GPLD1: variants seen among roughly 807,000 people sequenced by gnomAD.
GPLD1 encodes phosphatidylinositol-glycan-specific phospholipase D.
A neutral mutation model predicts 112.6 loss-of-function variants in GPLD1; 84 were observed. The observed-to-expected ratio is 0.75, with a 90% CI of 0.63 to 0.89. GPLD1 has a LOEUF of 0.89. GPLD1 is among the 40% of genes least tolerant of loss of function. The pLI is 0.00. For synonymous variants in GPLD1, 386 were observed against 403.8 expected (o/e 0.96, Z 0.53); for missense variants, 1,044 against 1,051.5 (o/e 0.99, Z 0.10).
intron 3 of GPLD1, among the ~76,000 whole-genome samples, chr6:24,477,075 CCA>C (rs1764046731): frequency 6.6e-6 from 1 of 151,430 alleles, no homozygotes; most frequent in African/African-American, 2.4e-5. Flanking sequence ...TGATTTGCTC[CCA>C]CAGTTTTCCT....
intron 2 of GPLD1, among the ~76,000 whole-genome samples, chr6:24,482,097 A>ATTTTTTTT (rs66567770): frequency 2.9e-5 from 3 of 103,210 alleles, no homozygotes; most frequent in Admixed American, 1.1e-4. Context: ...GTATTTTTGG[A>ATTTTTTTT]TTTTTTTTTT....
At chr6:24,460,857 A>G (rs1763410800) in intron 11 of GPLD1, among the ~76,000 whole-genome samples, 1 of 150,922 alleles carries the variant, frequency 6.6e-6, no homozygotes, top group Admixed American at 6.6e-5. Flanking sequence ...CTCCTGTCTC[A>G]GCCTCCTGAG....
chr6:24,444,284 T>C (rs778841897), intron 20 of GPLD1, among the ~76,000 whole-genome samples: 9 of 152,152 alleles, frequency 5.9e-5, no homozygotes, highest in Non-Finnish European at 8.8e-5. Flanking sequence ...TCAAAAGTCA[T>C]GTTTTAGAAG....
exon 1 of GPLD1, chr6:24,494,974 C>G: frequency 7.7e-7 from 1 of 1,306,246 alleles, no homozygotes; most frequent in Non-Finnish European, 9.7e-7. Context: ...TGCCTGTTTC[C>G]TGTCGCCGTC....
intron 22 of GPLD1, 148 bp downstream of exon 22, chr6:24,436,427 TG>T: frequency 1.5e-6 from 1 of 660,182 alleles, no homozygotes; most frequent in Admixed American, 2.7e-5. Flanking sequence ...TGCAGGCAGC[TG>T]GGGCCCACAA....
At chr6:24,432,364 GAGGC>G (rs1762432788) in intron 24 of GPLD1, among the ~76,000 whole-genome samples, 1 of 151,918 alleles carries the variant, frequency 6.6e-6, no homozygotes, top group South Asian at 2.1e-4. Context: ...TTGGAAGGCA[GAGGC>G]AGGCAGATCA....
At chr6:24,432,279 T>C (rs1172435302) in intron 24 of GPLD1, among the ~76,000 whole-genome samples, 2 of 144,230 alleles carry the variant, frequency 1.4e-5, no homozygotes, top group African/African-American at 5.2e-5. Context: ...GGTGTGTGTG[T>C]GTATCTCTGA....
At chr6:24,446,782 A>T in intron 18 of GPLD1, 56 bp downstream of exon 18, 9 of 1,572,364 alleles carry the variant, frequency 5.7e-6, no homozygotes, top group Non-Finnish European at 7.8e-6. Flanking sequence ...TGCGCTCCAT[A>T]GCAGCAGGTA....
intron 24 of GPLD1, among the ~76,000 whole-genome samples, chr6:24,432,469 T>TGG (rs1458481790): frequency 6.6e-6 from 1 of 151,876 alleles, no homozygotes; most frequent in East Asian, 1.9e-4. Flanking sequence ...GGCCTGGTGG[T>TGG]GGGCACCTGT....
At chr6:24,463,197 A>T (rs559264800) in intron 10 of GPLD1, among the ~76,000 whole-genome samples, 1 of 152,122 alleles carries the variant, frequency 6.6e-6, no homozygotes, top group Admixed American at 6.5e-5. Context: ...TCTTTAAAAA[A>T]AATTCCATAA....
At chr6:24,443,560 T>C (rs1310754629) in intron 20 of GPLD1, among the ~76,000 whole-genome samples, 4 of 152,226 alleles carry the variant, frequency 2.6e-5, no homozygotes, top group African/African-American at 4.8e-5. Flanking sequence ...CCCTCATTCT[T>C]TTGGCTTCCA....
At chr6:24,467,400 T>A in intron 7 of GPLD1, 126 bp from the exon 8 acceptor site, 1 of 637,346 alleles carries the variant, frequency 1.6e-6, no homozygotes, top group Admixed American at 2.7e-5. Flanking sequence ...AGTCTTTACA[T>A]GCACCAGTTA....
intron 13 of GPLD1, among the ~76,000 whole-genome samples, chr6:24,455,932 T>TG (rs1335478270): frequency 2.0e-5 from 3 of 152,136 alleles, no homozygotes; most frequent in African/African-American, 4.8e-5. Flanking sequence ...CCCAGCACTT[T>TG]GGGGGGCTGA....
chr6:24,475,081 C>G lies in GPLD1; in HGVS notation c.441+40G>C, dbSNP rs774469125. ...GTTTTGATCTTAGGTGAGACAGTAT[C>G]ACTCCCATAAAGTCATTCCCCATAA... On this transcript the variant is annotated intron_variant, in intron 5 of 24. Coordinates refer to ENST00000230036, the MANE Select transcript of GPLD1 (RefSeq NM_001503.4). The G allele has an allele frequency of 5.1e-6, 5 of 981,538 alleles. No homozygotes were observed. The South Asian group carries it at 5.1e-5, about 10-fold the overall frequency. The allele number at this position is 981,538 out of a possible 1,614,324, so 60.8% of individuals were successfully genotyped here. A position where few individuals can be genotyped will look rare whatever the true frequency, so the allele number is the denominator to read the frequency against.
chr6:24,441,024 T>C (rs903468893), intron 20 of GPLD1, among the ~76,000 whole-genome samples: 3 of 152,010 alleles, frequency 2.0e-5, no homozygotes, highest in Non-Finnish European at 4.4e-5. Context: ...GTATAGTGAC[T>C]GGGCGCAGTG....
intron 17 of GPLD1, 119 bp from the exon 18 acceptor site, chr6:24,447,098 A>G (rs1762935028): frequency 1.2e-6 from 1 of 828,086 alleles, no homozygotes; most frequent in Non-Finnish European, 1.9e-6. Flanking sequence ...AGTTTTTGCC[A>G]GAGGTCTTAT....
intron 24 of GPLD1, among the ~76,000 whole-genome samples, chr6:24,429,410 A>G (rs1762333648): frequency 6.6e-6 from 1 of 152,196 alleles, no homozygotes; most frequent in Non-Finnish European, 1.5e-5. Flanking sequence ...TGTGGAAAAC[A>G]TATCTTGAAT....
intron 2 of GPLD1, among the ~76,000 whole-genome samples, chr6:24,483,327 A>C (rs1340258037): frequency 2.0e-5 from 3 of 151,926 alleles, no homozygotes; most frequent in Admixed American, 6.6e-5. Flanking sequence ...TTTAAGCTAC[A>C]GAAACAAAAG....
chr6:24,482,064 A>C (rs1019995886), intron 2 of GPLD1, among the ~76,000 whole-genome samples: 13 of 151,068 alleles, frequency 8.6e-5, no homozygotes, highest in African/African-American at 3.2e-4. Context: ...CTAACGAAGG[A>C]TGTATCCTTC....
Sources: allele counts gnomAD v4.1 joint callset (sites outside exome capture counted in the v4.1 genomes callset), GRCh38; gene constraint gnomAD v4.1.1; transcripts MANE v1.5; gene names NCBI Gene and HGNC (gene_info 2026-07-23, HGNC 2026-07-21).